EYA4: variants seen among roughly 807,000 people sequenced by gnomAD.
The protein encoded by EYA4 is EYA transcriptional coactivator and phosphatase 4.
Under a neutral mutation model 87.9 loss-of-function variants are expected in EYA4, and 31 were observed. That is an observed-to-expected ratio of 0.35 (90% confidence interval 0.27 to 0.48). The LOEUF (loss-of-function observed/expected upper bound fraction) is 0.48, where lower values mean the gene tolerates loss of function less well. Among genes scored for constraint, EYA4 ranks in the 20% least tolerant of loss-of-function variants. The probability of loss-of-function intolerance (pLI) is 0.99; values close to 1 mark genes in which losing one functional copy is unlikely to be tolerated. For missense variants in EYA4, 678 were observed against 761.4 expected, an observed-to-expected ratio of 0.89 and a Z score of 1.29; for synonymous variants, 263 against 270.6, an observed-to-expected ratio of 0.97 and a Z score of 0.28.
In EYA4 at chr6:133,448,153, G is replaced by A. The variant is rs1215782368; in HGVS notation, c.251G>A (p.Ser84Asn). 15 of 1,613,722 alleles carry A rather than the reference G, an allele frequency of 9.3e-6. No individual in the cohort carries two copies. Among genetic ancestry groups the A allele is most frequent in the Non-Finnish European group, 1.3e-5 (15 of 1,179,654 alleles). The change falls in exon 5 of 20, where the codon AGT (serine) becomes AAT (asparagine). Residue 84 changes from serine to asparagine, a missense_variant. Ser to Asn is a conservative substitution (Grantham distance 46). Coordinates refer to ENST00000355286, the MANE Select transcript of EYA4 (RefSeq NM_004100.5). ...TVLNTADWLL[S>N]CNTPSSATMS... is the part of the protein sequence containing the mutation. ...TTAAACACAGCAGACTGGTTGCTGA[G>A]TTGCAACACCCCCTCTTCTGCAACA...
At chr6:133,457,771 C>T (rs3777864) in intron 6 of EYA4, among the ~76,000 whole-genome samples, 32,647 of 152,054 alleles carry the variant, frequency 0.21, 3,649 homozygotes, top group East Asian at 0.32. Context: ...GCACACTTAC[C>T]ATAGCTTTTG....
upstream of EYA4, chr6:133,241,308 C>G (rs561451178): frequency 7.2e-5 from 11 of 152,222 alleles, no homozygotes; most frequent in East Asian, 2.0e-3. Flanking sequence ...TGCGCAAGTG[C>G]GAGGCTGCCG....
chr6:133,370,990 C>A (rs1785224347), intron 2 of EYA4, among the ~76,000 whole-genome samples: 1 of 152,086 alleles, frequency 6.6e-6, no homozygotes, highest in African/African-American at 2.4e-5. Context: ...ATGTGGAAGG[C>A]TTTGGTATGC....
At chr6:133,315,521 C>A (rs542184933) in intron 2 of EYA4, among the ~76,000 whole-genome samples, 1 of 152,094 alleles carries the variant, frequency 6.6e-6, no homozygotes, top group African/African-American at 2.4e-5. Flanking sequence ...TTTTTAAATT[C>A]AGAAAATTTG....
intron 1 of EYA4, among the ~76,000 whole-genome samples, chr6:133,254,745 G>T (rs1396555097): frequency 6.6e-6 from 1 of 152,146 alleles, no homozygotes; most frequent in Non-Finnish European, 1.5e-5. Context: ...AGCGTCAGAT[G>T]ATCAGATCAG....
At chr6:133,419,624 T>C (rs746204565) in intron 3 of EYA4, among the ~76,000 whole-genome samples, 2 of 152,210 alleles carry the variant, frequency 1.3e-5, no homozygotes, top group African/African-American at 2.4e-5. Context: ...AGCATGTAGA[T>C]ACATCGTAAA....
At chr6:133,401,666 C>G (rs1369810226) in intron 3 of EYA4, among the ~76,000 whole-genome samples, 1 of 152,172 alleles carries the variant, frequency 6.6e-6, no homozygotes, top group African/African-American at 2.4e-5. Context: ...ACCCCGAAAT[C>G]TGGTACCATC....
In EYA4 at chr6:133,530,003, A is replaced by C. The variant is rs1286051256; in HGVS notation, c.*1198A>C. On this transcript the variant is annotated 3_prime_UTR_variant, in exon 20 of 20. Coordinates refer to ENST00000355286, the MANE Select transcript of EYA4 (RefSeq NM_004100.5). ...ACATTGAGTGCACAGGGCTTAAAAT[A>C]AAGCTAAGTATGTTTATTCCCAATG... The C allele has an allele frequency of 8.1e-6, 8 of 985,342 alleles. No homozygotes were observed. The highest frequency in any genetic ancestry group is 1.0e-3 in the Middle Eastern group (2 of 1,936). The allele number at this position is 985,342 out of a possible 1,614,324, so 61.0% of individuals were successfully genotyped here.
chr6:133,454,003 A>G (rs1017957583), intron 5 of EYA4, among the ~76,000 whole-genome samples: 1 of 152,090 alleles, frequency 6.6e-6, no homozygotes, highest in Non-Finnish European at 1.5e-5. Context: ...CAAACTTTCA[A>G]ATTGAAGAGA....
At chr6:133,447,517 T>A (rs1583304379) in intron 4 of EYA4, among the ~76,000 whole-genome samples, 1 of 152,196 alleles carries the variant, frequency 6.6e-6, no homozygotes, top group Admixed American at 6.5e-5. Context: ...TAGATCCATC[T>A]AGCCAATAAA....
At chr6:133,395,617 C>A (rs957146936) in intron 3 of EYA4, among the ~76,000 whole-genome samples, 1 of 152,024 alleles carries the variant, frequency 6.6e-6, no homozygotes, top group East Asian at 1.9e-4. Flanking sequence ...AAAAATTAGC[C>A]AGGCGTGGTG....
intron 3 of EYA4, among the ~76,000 whole-genome samples, chr6:133,445,526 A>G (rs1327906054): frequency 2.0e-5 from 3 of 148,202 alleles, no homozygotes; most frequent in African/African-American, 4.9e-5. Context: ...AAGCATGTGT[A>G]GCTTCTTTGG....
chr6:133,274,059 T>G (rs1396658872), intron 1 of EYA4, among the ~76,000 whole-genome samples: 1 of 152,198 alleles, frequency 6.6e-6, no homozygotes, highest in African/African-American at 2.4e-5. Context: ...TTAGAGTTTT[T>G]CAACTTTAAT....
intron 3 of EYA4, among the ~76,000 whole-genome samples, chr6:133,417,660 A>G (rs1356665909): frequency 2.0e-5 from 3 of 151,840 alleles, no homozygotes; most frequent in African/African-American, 7.3e-5. Context: ...TTGGATATTC[A>G]TAACATGCAT....
rs12174245 is a variant in EYA4 at position 133,299,959 on chromosome 6, A to C, written c.33+25146A>C. On this transcript the variant is annotated intron_variant, in intron 2 of 19. Coordinates refer to ENST00000355286, the MANE Select transcript of EYA4 (RefSeq NM_004100.5). ...TCTATCTATCTATCTATCTATCTAT[A>C]TATATATATATCTTTTGACTACCCC... is the stretch of plus-strand genomic sequence containing the variant. Among the ~76,000 whole-genome samples, 716 of 106,518 alleles carry C rather than the reference A, an allele frequency of 6.7e-3. 4 individuals carry two copies. The highest frequency in any genetic ancestry group is 0.019 in the East Asian group (70 of 3,628). 69.9% of individuals were successfully genotyped at this position (106,518 alleles called of 152,430 possible). A position where few individuals can be genotyped will look rare whatever the true frequency, so the allele number is the denominator to read the frequency against.
intron 2 of EYA4, among the ~76,000 whole-genome samples, chr6:133,362,771 CTG>C (rs1035887505): frequency 7.9e-5 from 12 of 152,202 alleles, no homozygotes; most frequent in African/African-American, 2.9e-4. Flanking sequence ...CCAATCAAAA[CTG>C]AAAGTAAATA....
rs756478373 is a variant in EYA4 at position 133,324,904 on chromosome 6, A to ATTTT, written c.33+50112_33+50115dup. 2.3e-3 allele frequency among the ~76,000 whole-genome samples: 190 copies of ATTTT among 83,586 alleles called. 6 individuals are homozygous for ATTTT. Among genetic ancestry groups the ATTTT allele is most frequent in the African/African-American group, 5.6e-3 (119 of 21,072 alleles). The allele number at this position is 83,586 out of a possible 152,430, so 54.8% of individuals were successfully genotyped here. A position where few individuals can be genotyped will look rare whatever the true frequency, so the allele number is the denominator to read the frequency against. The stretch of plus-strand genomic sequence containing the variant: ...ATTTATGGAGTATATTTCAGAAGCT[A>ATTTT]TTTTTTTTTTTTTTTTTTTTTTTTG... On this transcript the variant is annotated intron_variant, in intron 2 of 19. Transcript: ENST00000355286.
At chr6:133,387,202 A>G (rs1384085900) in intron 3 of EYA4, among the ~76,000 whole-genome samples, 1 of 152,212 alleles carries the variant, frequency 6.6e-6, no homozygotes, top group African/African-American at 2.4e-5. Context: ...ATAATGTTTA[A>G]TGTATTAAAT....
intron 2 of EYA4, among the ~76,000 whole-genome samples, chr6:133,302,729 A>C (rs973510534): frequency 3.3e-5 from 5 of 152,228 alleles, no homozygotes; most frequent in Non-Finnish European, 7.3e-5. Context: ...TCATGAACAG[A>C]TGATAGTGTT....
Sources: gnomAD v4.1 joint callset for allele counts (sites outside exome capture counted in the v4.1 genomes callset) on GRCh38, gnomAD v4.1.1 for gene constraint, MANE v1.5 for transcripts, NCBI Gene and HGNC (gene_info 2026-07-23, HGNC 2026-07-21) for gene names.